Variants in USP7 observed in about 807,000 individuals in gnomAD.
USP7 encodes ubiquitin C-terminal hydrolase 7.
In USP7, 9 loss-of-function variants were observed where a neutral mutation model predicts 162.9. The observed-to-expected ratio is 0.06, with a 90% CI of 0.03 to 0.10. USP7 has a LOEUF of 0.10. Among genes scored for constraint, USP7 ranks in the 10% least tolerant of loss-of-function variants. USP7 has a pLI of 1.00. For synonymous variants in USP7, 562 were observed against 475.9 expected (o/e 1.18, Z -2.35); for missense variants, 715 against 1,373.7 (o/e 0.52, Z 7.58).
rs1714198431 is a variant in USP7, at chr16:8,930,382, T to A, written c.95A>T (p.Asp32Val). The change falls in exon 2 of 31, where the codon GAC (aspartate) becomes GTC (valine). Residue 32 changes from aspartate to valine, a missense_variant. Physicochemically the swap from Asp to Val is radical, Grantham distance 152 (BLOSUM62 -3). This residue lies in a region of USP7 where 137 missense variants were observed against 123.5 expected (regional missense o/e 1.11). Transcript: ENST00000344836. ...DMEMEAGDTD[D>V]PPRITQNPVI... is the part of the protein sequence containing the mutation. Reference sequence around the variant, plus strand: ...AGGGTTCTGAGTAATTCTTGGTGGGTCATCTGTATCTCCCGCTTTAAAGAA... The same window carrying A: ...AGGGTTCTGAGTAATTCTTGGTGGGACATCTGTATCTCCCGCTTTAAAGAA... The A allele has an allele frequency of 1.2e-6, 2 of 1,610,426 alleles. No individual in the cohort carries two copies. The highest frequency in any genetic ancestry group is 1.1e-5 in the South Asian group (1 of 90,516).
At chr16:8,947,786 G>A (rs75917951) in intron 1 of USP7, among the ~76,000 whole-genome samples, 6 of 152,192 alleles carry the variant, frequency 3.9e-5, no homozygotes, top group Admixed American at 3.9e-4. Context: ...TATTCCAGAT[G>A]TGGGACTGCC....
At chr16:8,906,337 G>T in intron 13 of USP7, 89 bp downstream of exon 13, 1 of 1,469,774 alleles carries the variant, frequency 6.8e-7, no homozygotes. Flanking sequence ...TCCCTGACAA[G>T]GTTCCGAGTA....
At chr16:8,930,886 T>C (rs1283165457) in intron 1 of USP7, among the ~76,000 whole-genome samples, 1 of 151,916 alleles carries the variant, frequency 6.6e-6, no homozygotes, top group African/African-American at 2.4e-5. Context: ...TGAAAATCAC[T>C]TGAACTCAGG....
chr16:8,912,857 A>G (rs186612912), intron 10 of USP7, among the ~76,000 whole-genome samples: 2 of 152,294 alleles, frequency 1.3e-5, no homozygotes, highest in Admixed American at 1.3e-4. Context: ...AATAAAAAAA[A>G]ATTTAAAAAG....
chr16:8,949,188 A>C (rs954351069), intron 1 of USP7, among the ~76,000 whole-genome samples: 2 of 152,264 alleles, frequency 1.3e-5, no homozygotes, highest in Non-Finnish European at 2.9e-5. Flanking sequence ...TATTTTAAAA[A>C]TCATGATTGT....
chr16:8,959,611 G>A (rs1283400809), intron 1 of USP7, among the ~76,000 whole-genome samples: 1 of 152,166 alleles, frequency 6.6e-6, no homozygotes, highest in Non-Finnish European at 1.5e-5. Context: ...CTTAGCAACA[G>A]AAGCCAATGT....
intron 15 of USP7, 148 bp downstream of exon 15, chr16:8,904,287 G>A: frequency 7.2e-7 from 1 of 1,397,876 alleles, no homozygotes; most frequent in Non-Finnish European, 9.6e-7. Flanking sequence ...GAGGAGTGGG[G>A]ACTGACCTGC....
chr16:8,914,042 C>A (rs1384997752), intron 10 of USP7, among the ~76,000 whole-genome samples: 1 of 151,954 alleles, frequency 6.6e-6, no homozygotes, highest in African/African-American at 2.4e-5. Context: ...CCATCCTCCC[C>A]CTTATTTTAA....
intron 1 of USP7, among the ~76,000 whole-genome samples, chr16:8,936,402 T>C (rs1898727247): frequency 1.3e-5 from 2 of 152,156 alleles, no homozygotes; most frequent in Admixed American, 1.3e-4. Flanking sequence ...TTTAAATATA[T>C]GACTTAAAAT....
At chr16:8,917,333 C>A (rs1050636264) in intron 6 of USP7, among the ~76,000 whole-genome samples, 177 bp from the exon 7 acceptor site, 23 of 152,146 alleles carry the variant, frequency 1.5e-4, no homozygotes, top group African/African-American at 5.6e-4. Flanking sequence ...AAATCATGAA[C>A]GTCTTTAGGG....
chr16:8,927,971 C>T (rs909535721), intron 2 of USP7, among the ~76,000 whole-genome samples: 21 of 152,228 alleles, frequency 1.4e-4, no homozygotes, highest in African/African-American at 3.6e-4. Flanking sequence ...ATAGTGACAT[C>T]CCATCACTAC....
intron 11 of USP7, 51 bp from the exon 12 acceptor site, chr16:8,908,501 G>A (rs747320881): frequency 1.2e-5 from 18 of 1,498,576 alleles, no homozygotes; most frequent in Non-Finnish European, 1.6e-5. Context: ...CTTACTCCTG[G>A]AAGCAATGAA....
At chr16:8,946,534 T>A (rs886999300) in intron 1 of USP7, among the ~76,000 whole-genome samples, 2 of 152,188 alleles carry the variant, frequency 1.3e-5, no homozygotes, top group Non-Finnish European at 2.9e-5. Flanking sequence ...AAATCGCGTA[T>A]CTTACAAAGA....
intron 8 of USP7, among the ~76,000 whole-genome samples, chr16:8,915,852 C>T (rs1897341433): frequency 6.6e-6 from 1 of 152,146 alleles, no homozygotes; most frequent in Non-Finnish European, 1.5e-5. Context: ...TCGTAATGGT[C>T]CACACCAAGA....
intron 1 of USP7, among the ~76,000 whole-genome samples, chr16:8,940,479 G>T (rs1395770806): frequency 6.6e-6 from 1 of 152,192 alleles, no homozygotes; most frequent in Non-Finnish European, 1.5e-5. Context: ...CAAGGCTGTT[G>T]ATCAGAGTGG....
intron 1 of USP7, among the ~76,000 whole-genome samples, chr16:8,949,396 TG>T (rs1899445883): frequency 6.6e-6 from 1 of 152,220 alleles, no homozygotes; most frequent in South Asian, 2.1e-4. Context: ...TGAAAATGCC[TG>T]GGGCACAGTC....
At chr16:8,908,689 G>A (rs1236160930) in intron 11 of USP7, among the ~76,000 whole-genome samples, 1 of 152,160 alleles carries the variant, frequency 6.6e-6, no homozygotes, top group South Asian at 2.1e-4. Flanking sequence ...CTCTTACCTT[G>A]GATTATATTC....
At chr16:8,919,632 T>C (rs971366149) in intron 5 of USP7, among the ~76,000 whole-genome samples, 70 of 152,018 alleles carry the variant, frequency 4.6e-4, no homozygotes, top group African/African-American at 1.6e-3. Flanking sequence ...TGGTGGTTGT[T>C]TGGGAGCAAG....
Position 8,920,548 on chromosome 16 carries a change from T to C in USP7, c.523-101A>G, listed in dbSNP as rs988714772. The C allele has an allele frequency of 3.1e-6, 3 of 972,240 alleles. No homozygotes were observed. The African/African-American group carries it at 5.0e-5, about 16-fold the overall frequency. 60.2% of individuals were successfully genotyped at this position (972,240 alleles called of 1,614,324 possible). On this transcript the variant is annotated intron_variant, in intron 4 of 30. Transcript: ENST00000344836. ...GCCCTGTACTTAATAGAGATGAAAA[T>C]ACTTTTTTTTTAAATACATCCCAAC... is the stretch of plus-strand genomic sequence containing the variant.
Sources: gnomAD v4.1 joint callset for allele counts (sites outside exome capture counted in the v4.1 genomes callset) on GRCh38, gnomAD v4.1.1 for gene constraint, gnomAD v4.1.1 regional missense constraint, MANE v1.5 for transcripts, NCBI Gene and HGNC (gene_info 2026-07-23, HGNC 2026-07-21) for gene names.